The following ASTN1 variants were observed in gnomAD, a reference collection of about 807,000 sequenced individuals.
ASTN1 encodes astrotactin-1.
A neutral mutation model predicts 140.7 loss-of-function variants in ASTN1; 41 were observed. The ratio of observed to expected loss-of-function variants is 0.29; its 90% CI spans 0.23 to 0.38. The LOEUF (loss-of-function observed/expected upper bound fraction) is 0.38. Ranked by LOEUF, ASTN1 falls within the 10% of genes least tolerant of loss-of-function variation. ASTN1 has a pLI of 1.00. For missense variants in ASTN1, 1,479 were observed against 1,678.8 expected (o/e 0.88, Z 2.08); for synonymous variants, 640 against 652.2 (o/e 0.98, Z 0.29).
intron 20 of ASTN1, among the ~76,000 whole-genome samples, chr1:176,882,247 C>T (rs1571451837): frequency 6.6e-6 from 1 of 152,248 alleles, no homozygotes; most frequent in Admixed American, 6.5e-5. Context: ...GCCATTGGAG[C>T]TAGCTAGCTT....
chr1:177,154,160 C>T (rs928166381), intron 1 of ASTN1, among the ~76,000 whole-genome samples: 4 of 152,062 alleles, frequency 2.6e-5, no homozygotes, highest in Non-Finnish European at 5.9e-5. Flanking sequence ...TTTGTAGTGA[C>T]GGAAAGCAGG....
At chr1:176,892,664 G>A (rs1472922324) in intron 17 of ASTN1, among the ~76,000 whole-genome samples, 1 of 152,190 alleles carries the variant, frequency 6.6e-6, no homozygotes, top group African/African-American at 2.4e-5. Context: ...AGATTATTTA[G>A]TCCGACAGGA....
Position 176,949,168 on chromosome 1 carries a change from C to A in ASTN1, c.2054+17G>T. The A allele has an allele frequency of 2.5e-6, 4 of 1,613,062 alleles. No homozygotes were observed. Among genetic ancestry groups the A allele is most frequent in the Non-Finnish European group, 3.4e-6 (4 of 1,179,650 alleles). ...GACAGATGGACGCCAGGTGGCCTCG[C>A]TGGCAGCTCAACTCACCCACAGAAC... On this transcript the variant is annotated intron_variant, in intron 12 of 22. Coordinates refer to ENST00000361833, the MANE Select transcript of ASTN1 (RefSeq NM_004319.3).
At chr1:176,961,515 T>A (rs966869755) in intron 9 of ASTN1, among the ~76,000 whole-genome samples, 1 of 152,162 alleles carries the variant, frequency 6.6e-6, no homozygotes, top group Non-Finnish European at 1.5e-5. Flanking sequence ...AAGCTGGTCA[T>A]CTGGCCCCAT....
At chr1:176,930,855 C>T (rs376661942) in intron 16 of ASTN1, among the ~76,000 whole-genome samples, 30 of 151,946 alleles carry the variant, frequency 2.0e-4, no homozygotes, top group Admixed American at 1.4e-3. Context: ...AAAGGTACAG[C>T]GGTAAAGAGG....
Position 176,861,443 on chromosome 1 carries a change from T to G in ASTN1, c.*2841A>C, listed in dbSNP as rs759459487. The stretch of plus-strand genomic sequence containing the variant: ...CTCCCTTAAGACCTGTTTGGCAGCT[T>G]GAAAACTCAAGGTTGAATACCGGTC... On this transcript the variant is annotated 3_prime_UTR_variant, in exon 23 of 23. Coordinates refer to ENST00000361833, the MANE Select transcript of ASTN1 (RefSeq NM_004319.3). 22 of 985,652 alleles carry G rather than the reference T, an allele frequency of 2.2e-5. No homozygotes were observed. Among genetic ancestry groups the G allele is most frequent in the Non-Finnish European group, 2.5e-5 (21 of 829,924 alleles). The allele number at this position is 985,652 out of a possible 1,614,324, so 61.1% of individuals were successfully genotyped here.
At chr1:177,147,690 G>C (rs542061082) in intron 1 of ASTN1, among the ~76,000 whole-genome samples, 165 of 152,312 alleles carry the variant, frequency 1.1e-3, no homozygotes, top group Admixed American at 2.2e-3. Flanking sequence ...CTTCACCTTA[G>C]TGCTTGCATG....
rs58373407 is a variant in ASTN1 at position 177,116,014 on chromosome 1, G to A, written c.283+48380C>T. ...GAATCTTCATGAAAATCTGGAGGGT[G>A]AGGTAAAAGGTCCAAAACCTTCTAA... On this transcript the variant is annotated intron_variant, in intron 1 of 22. Coordinates refer to ENST00000361833, the MANE Select transcript of ASTN1 (RefSeq NM_004319.3). Among the ~76,000 whole-genome samples, 802 of 152,258 alleles carry A rather than the reference G, an allele frequency of 5.3e-3. 4 individuals are homozygous for A. Among genetic ancestry groups the A allele is most frequent in the African/African-American group, 0.018 (732 of 41,560 alleles).
At chr1:176,907,595 CT>C (rs1670055463) in intron 16 of ASTN1, among the ~76,000 whole-genome samples, 4 of 152,236 alleles carry the variant, frequency 2.6e-5, no homozygotes, top group African/African-American at 9.6e-5. Flanking sequence ...AGTCAGAAAA[CT>C]TTTATATACT....
chr1:176,938,758 G>A (rs1012741552), intron 14 of ASTN1, among the ~76,000 whole-genome samples: 12 of 152,180 alleles, frequency 7.9e-5, no homozygotes, highest in Non-Finnish European at 1.3e-4. Context: ...GTAAATAATA[G>A]TATTCATCCT....
At chr1:176,900,291 C>T (rs751918380) in intron 16 of ASTN1, among the ~76,000 whole-genome samples, 1 of 152,138 alleles carries the variant, frequency 6.6e-6, no homozygotes, top group Non-Finnish European at 1.5e-5. Context: ...CTTATATGTC[C>T]TACAGACACC....
At chr1:176,992,450 A>T (rs943221346) in intron 8 of ASTN1, among the ~76,000 whole-genome samples, 16 of 152,266 alleles carry the variant, frequency 1.1e-4, no homozygotes, top group African/African-American at 3.6e-4. Context: ...GTAAAAAAAA[A>T]TGAGTTGAGA....
chr1:176,924,277 A>C (rs1369751846), intron 16 of ASTN1, among the ~76,000 whole-genome samples: 1 of 152,220 alleles, frequency 6.6e-6, no homozygotes, highest in African/African-American at 2.4e-5. Flanking sequence ...AGCTATGGGA[A>C]TTCAGAAAAC....
chr1:176,932,711 G>A (rs539658200), intron 16 of ASTN1, among the ~76,000 whole-genome samples: 2 of 152,192 alleles, frequency 1.3e-5, no homozygotes, highest in African/African-American at 2.4e-5. Context: ...TGCCAAGACC[G>A]TGGACAGAAT....
intron 8 of ASTN1, among the ~76,000 whole-genome samples, chr1:176,997,747 C>T (rs1430626531): frequency 1.3e-5 from 2 of 152,088 alleles, no homozygotes; most frequent in African/African-American, 4.8e-5. Flanking sequence ...TAAGACAAGG[C>T]ACGCTGGGAC....
chr1:177,111,148 G>A (rs144458732), intron 1 of ASTN1, among the ~76,000 whole-genome samples: 2 of 152,256 alleles, frequency 1.3e-5, no homozygotes, highest in East Asian at 3.9e-4. Context: ...CCTCTTCTTT[G>A]CCAAGCACTT....
intron 1 of ASTN1, among the ~76,000 whole-genome samples, chr1:177,127,485 A>T (rs1311224978): frequency 6.6e-6 from 1 of 152,158 alleles, no homozygotes; most frequent in Non-Finnish European, 1.5e-5. Flanking sequence ...AGCAGCTACC[A>T]TACACCTCAC....
chr1:176,972,489 T>C (rs1673179592), intron 8 of ASTN1, among the ~76,000 whole-genome samples: 1 of 152,136 alleles, frequency 6.6e-6, no homozygotes, highest in Non-Finnish European at 1.5e-5. Flanking sequence ...AATGAACTAC[T>C]ACTTTTTTTT....
At chr1:177,083,709 C>T (rs1334480222) in intron 1 of ASTN1, among the ~76,000 whole-genome samples, 1 of 152,052 alleles carries the variant, frequency 6.6e-6, no homozygotes, top group Non-Finnish European at 1.5e-5. Flanking sequence ...CAACAAAGTA[C>T]CCAAAATCCT....
Sources: allele counts gnomAD v4.1 joint callset (sites outside exome capture counted in the v4.1 genomes callset), GRCh38; gene constraint gnomAD v4.1.1; transcripts MANE v1.5; gene names NCBI Gene and HGNC (gene_info 2026-07-23, HGNC 2026-07-21).